The following ANTXRL variants were observed in gnomAD, a reference collection of about 807,000 sequenced individuals.
ANTXRL encodes ANTXR like.
ANTXRL carries 63 observed loss-of-function variants against 75.4 expected under a neutral mutation model. The ratio of observed to expected loss-of-function variants is 0.84; its 90% CI spans 0.68 to 1.03. The LOEUF (loss-of-function observed/expected upper bound fraction) is 1.03, where lower values mean the gene tolerates loss of function less well. ANTXRL is among the 50% of genes least tolerant of loss of function. The probability of loss-of-function intolerance (pLI) is 0.00; values close to 1 mark genes in which losing one functional copy is unlikely to be tolerated. For synonymous variants in ANTXRL, 335 were observed against 291.3 expected, an observed-to-expected ratio of 1.15 and a Z score of -1.53; for missense variants, 797 against 789.4, an observed-to-expected ratio of 1.01 and a Z score of -0.12.
rs369122274 is a variant in ANTXRL, at chr10:46,317,213, C to G, written c.1410+3897C>G. On this transcript the variant is annotated intron_variant, in intron 16 of 16. Transcript: ENST00000620264. ...TCATGACTAGATATATGCCACAGGA[C>G]CTTAATTTACTAATATCAATTAATC... is the stretch of plus-strand genomic sequence containing the variant. 1.2e-4 allele frequency among the ~76,000 whole-genome samples: 18 copies of G among 152,208 alleles called. No homozygotes were observed. The East Asian group carries it at 3.5e-3, about 29-fold the overall frequency.
At chr10:46,310,381 G>A in intron 13 of ANTXRL, 80 bp from the exon 14 acceptor site, 2 of 1,349,504 alleles carry the variant, frequency 1.5e-6, no homozygotes, top group Non-Finnish European at 2.0e-6. Context: ...CTCCAGGCCA[G>A]GGTCCCAGCT....
At chr10:46,305,435 A>T (rs1838015168) in intron 10 of ANTXRL, among the ~76,000 whole-genome samples, 1 of 152,220 alleles carries the variant, frequency 6.6e-6, no homozygotes, top group African/African-American at 2.4e-5. Flanking sequence ...GGAAAAGAAA[A>T]GCAGAGAAAG....
chr10:46,305,654 T>C (rs782219089), intron 10 of ANTXRL, among the ~76,000 whole-genome samples: 5 of 152,124 alleles, frequency 3.3e-5, no homozygotes, highest in Non-Finnish European at 7.3e-5. Flanking sequence ...TCTCCCGCAC[T>C]TCAGGAGGTG....
chr10:46,318,765 T>C (rs1277672227), intron 16 of ANTXRL, among the ~76,000 whole-genome samples: 1 of 152,106 alleles, frequency 6.6e-6, no homozygotes, highest in African/African-American at 2.4e-5. Context: ...GTTTAACATA[T>C]GTCAAAAGAA....
intron 9 of ANTXRL, among the ~76,000 whole-genome samples, chr10:46,299,527 G>A (rs1837589089): frequency 6.6e-6 from 1 of 152,044 alleles, no homozygotes; most frequent in African/African-American, 2.4e-5. Flanking sequence ...GGGAGCCCTG[G>A]GTGTCCTCCC....
chr10:46,314,140 T>G (rs1170968772), intron 16 of ANTXRL, among the ~76,000 whole-genome samples: 1 of 152,190 alleles, frequency 6.6e-6, no homozygotes, highest in Admixed American at 6.5e-5. Flanking sequence ...AGTGGCCAGG[T>G]GGCTGTGCAT....
intron 9 of ANTXRL, among the ~76,000 whole-genome samples, chr10:46,299,401 G>A (rs1322021815): frequency 4.6e-5 from 7 of 152,130 alleles, no homozygotes; most frequent in Non-Finnish European, 7.4e-5. Flanking sequence ...TCCCAGTATG[G>A]GTTGTGACAG....
chr10:46,313,226 T>C lies in ANTXRL; in HGVS notation c.1330-10T>C. The C allele has an allele frequency of 6.5e-7, 1 of 1,535,736 alleles. No individual in the cohort carries two copies. Among genetic ancestry groups the C allele is most frequent in the East Asian group, 2.4e-5 (1 of 40,914 alleles). ...CTGCATGTCTTCCTCATGGCCACGT[T>C]GCTTTTCAGGGCAATCTGGATACCT... On this transcript the variant is annotated splice_polypyrimidine_tract_variant and intron_variant, in intron 15 of 16. Transcript: ENST00000620264.
In ANTXRL at chr10:46,287,243, G is replaced by T. The variant is rs376897144; in HGVS notation, c.-20G>T. On this transcript the variant is annotated 5_prime_UTR_variant, in exon 1 of 17. Transcript: ENST00000620264. ...CACAGGCACCCAAGAGTGAGGTGGG[G>T]TCACAGGGACAGCCAGATAATGGGG... The T allele has an allele frequency of 8.6e-4, 1,316 of 1,534,566 alleles. 12 individuals are homozygous for T. In the African/African-American group the frequency reaches 0.016, roughly 18 times the overall value.
At chr10:46,307,832 C>T (rs1838185142) in intron 12 of ANTXRL, among the ~76,000 whole-genome samples, 1 of 152,162 alleles carries the variant, frequency 6.6e-6, no homozygotes, top group Non-Finnish European at 1.5e-5. Flanking sequence ...GCCTGGTGGT[C>T]ACTTGCTGTC....
intron 15 of ANTXRL, among the ~76,000 whole-genome samples, chr10:46,312,834 G>A (rs1554963831): frequency 2.0e-5 from 3 of 150,704 alleles, no homozygotes; most frequent in African/African-American, 4.9e-5. Context: ...AGCAGGGCAT[G>A]GTCCTCTCAC....
intron 12 of ANTXRL, among the ~76,000 whole-genome samples, chr10:46,308,233 A>G (rs2132788517): frequency 6.6e-6 from 1 of 152,234 alleles, no homozygotes; most frequent in East Asian, 1.9e-4. Context: ...ATGGATCTGC[A>G]GGCTGAATGC....
chr10:46,318,288 A>G (rs782588899), intron 16 of ANTXRL, among the ~76,000 whole-genome samples: 3 of 152,058 alleles, frequency 2.0e-5, no homozygotes, highest in African/African-American at 4.8e-5. Flanking sequence ...TAGCAATAAA[A>G]AACAAAATAC....
intron 11 of ANTXRL, among the ~76,000 whole-genome samples, chr10:46,307,146 G>A (rs1304494153): frequency 6.6e-6 from 1 of 152,122 alleles, no homozygotes; most frequent in Non-Finnish European, 1.5e-5. Flanking sequence ...TCAGAGTTAA[G>A]CCAACACACT....
intron 10 of ANTXRL, among the ~76,000 whole-genome samples, chr10:46,305,567 C>T (rs782686557): frequency 1.2e-4 from 18 of 152,230 alleles, no homozygotes; most frequent in Non-Finnish European, 2.2e-4. Flanking sequence ...CCTGGGAAGC[C>T]GGGGTCCTGG....
chr10:46,300,799 T>TGTCTAAGCATA (rs1837681348), intron 9 of ANTXRL, among the ~76,000 whole-genome samples: 1 of 152,192 alleles, frequency 6.6e-6, no homozygotes, highest in Non-Finnish European at 1.5e-5. Context: ...GGGTGTATCA[T>TGTCTAAGCATA]GACTTCTGGT....
intron 9 of ANTXRL, among the ~76,000 whole-genome samples, chr10:46,300,460 G>A (rs1565026032): frequency 1.3e-5 from 2 of 152,092 alleles, no homozygotes; most frequent in South Asian, 4.1e-4. Context: ...ACCGCTCAAG[G>A]CCCATCCTGA....
intron 1 of ANTXRL, among the ~76,000 whole-genome samples, chr10:46,288,792 G>C (rs1836862745): frequency 6.6e-6 from 1 of 152,192 alleles, no homozygotes; most frequent in Admixed American, 6.5e-5. Flanking sequence ...AAACTCACAG[G>C]AACTGCAGAG....
chr10:46,320,442 T>C (rs1269282157), intron 16 of ANTXRL, among the ~76,000 whole-genome samples: 1 of 152,094 alleles, frequency 6.6e-6, no homozygotes, highest in Non-Finnish European at 1.5e-5. Context: ...TTACAATTGT[T>C]CACCCATGGC....
Sources: allele counts gnomAD v4.1 joint callset (sites outside exome capture counted in the v4.1 genomes callset), GRCh38; gene constraint gnomAD v4.1.1; transcripts MANE v1.5; gene names NCBI Gene and HGNC (gene_info 2026-07-23, HGNC 2026-07-21).